The following SEC14L1 variants were observed in gnomAD, a reference collection of about 807,000 sequenced individuals.
SEC14L1 encodes the protein SEC14-like protein 1.
SEC14L1 carries 48 observed loss-of-function variants against 85.3 expected under a neutral mutation model. That is an observed-to-expected ratio of 0.56 (90% CI 0.45 to 0.72). SEC14L1 has a LOEUF of 0.72. Among genes scored for constraint, SEC14L1 ranks in the 30% least tolerant of loss-of-function variants. The pLI, the probability that SEC14L1 is intolerant of heterozygous loss-of-function variation, is 0.00. For missense variants in SEC14L1, 682 were observed against 921.4 expected, an observed-to-expected ratio of 0.74 and a Z score of 3.36; for synonymous variants, 391 against 355.5, an observed-to-expected ratio of 1.10 and a Z score of -1.12.
At chr17:77,100,066 C>A (rs1598216740) in intron 3 of SEC14L1, among the ~76,000 whole-genome samples, 1 of 152,260 alleles carries the variant, frequency 6.6e-6, no homozygotes, top group South Asian at 2.1e-4. Flanking sequence ...GCGCTCCCAG[C>A]GGGAGCCATT....
intron 3 of SEC14L1, among the ~76,000 whole-genome samples, chr17:77,179,273 T>C (rs914256798): frequency 6.6e-6 from 1 of 152,144 alleles, no homozygotes; most frequent in Non-Finnish European, 1.5e-5. Context: ...AAGGCAGGCA[T>C]TGAGAGAGGG....
chr17:77,162,476 C>G lies in SEC14L1; in HGVS notation c.63+18817C>G, dbSNP rs1015099184. Among the ~76,000 whole-genome samples the G allele has an allele frequency of 2.0e-5, 3 of 152,250 alleles. No homozygotes were observed. The East Asian group carries it at 5.8e-4, about 29-fold the overall frequency. On this transcript the variant is annotated intron_variant, in intron 3 of 16. Coordinates refer to ENST00000436233, the MANE Select transcript of SEC14L1 (RefSeq NM_001143998.2). ...AATTTCTTCTGGGTGTAATTTAGAT[C>G]TGTGCAAAGTAACATGATGTATATT... is the stretch of plus-strand genomic sequence containing the variant.
intron 2 of SEC14L1, chr17:77,093,145 G>T (rs1180533548): frequency 6.6e-6 from 1 of 152,162 alleles, no homozygotes; most frequent in Non-Finnish European, 1.5e-5. Context: ...GTGGAAGGTG[G>T]ATTTTAGATT....
intron 14 of SEC14L1, chr17:77,211,315 T>G (rs1348939181): frequency 6.5e-6 from 1 of 152,904 alleles, no homozygotes; most frequent in Non-Finnish European, 1.5e-5. Flanking sequence ...CCCCGCCCAA[T>G]CTTTGAAACT....
intron 13 of SEC14L1, among the ~76,000 whole-genome samples, chr17:77,207,198 A>G (rs1371935320): frequency 6.6e-6 from 1 of 152,192 alleles, no homozygotes; most frequent in Non-Finnish European, 1.5e-5. Context: ...CTGTTAAAAA[A>G]TTGAATCAGT....
intron 3 of SEC14L1, among the ~76,000 whole-genome samples, chr17:77,171,999 C>T (rs541098504): frequency 2.5e-3 from 376 of 152,140 alleles, no homozygotes; most frequent in Non-Finnish European, 4.3e-3. Flanking sequence ...TTCCTGCCTC[C>T]GGGATTAACA....
chr17:77,153,341 A>G (rs889875435), intron 3 of SEC14L1, among the ~76,000 whole-genome samples: 2 of 152,230 alleles, frequency 1.3e-5, no homozygotes, highest in Admixed American at 1.3e-4. Flanking sequence ...TGCTGGGATT[A>G]CAGGCGTGAA....
intron 3 of SEC14L1, among the ~76,000 whole-genome samples, chr17:77,149,856 G>GTTTT (rs201022692): frequency 8.1e-6 from 1 of 123,930 alleles, no homozygotes; most frequent in Non-Finnish European, 1.8e-5. Context: ...GCTGATTTGT[G>GTTTT]TTTTTTTTTT....
chr17:77,179,090 G>A (rs1041460903), intron 3 of SEC14L1, among the ~76,000 whole-genome samples: 5 of 152,196 alleles, frequency 3.3e-5, no homozygotes, highest in Non-Finnish European at 5.9e-5. Context: ...AACTCTTGGA[G>A]CAAAGGAGTG....
rs1047860251 is a variant in SEC14L1, at chr17:77,194,878, A to G, written c.676A>G (p.Ser226Gly). ...GAGTGGTGATGCCCTCAGCAGCCCC[A>G]GCGCACCTGAGCCCGTGGTGGGCAC... ...GLSGDALSSP[S>G]APEPVVGTPD... Residue 226 changes from serine (S) to glycine (G), a missense_variant, in exon 7 of 17, where the codon AGC becomes GGC. Physicochemically the swap from Ser to Gly is moderately conservative, Grantham distance 56 (BLOSUM62 0). Around this residue, in one of 3 missense-constraint regions of SEC14L1, gnomAD observed 123 missense variants for 100.6 expected, o/e 1.22. Transcript: ENST00000436233. The G allele has an allele frequency of 6.8e-6, 11 of 1,614,174 alleles. No individual in the cohort carries two copies. The highest frequency in any genetic ancestry group is 7.6e-6 in the Non-Finnish European group (9 of 1,180,024).
chr17:77,174,523 C>T (rs1355137609), intron 3 of SEC14L1, among the ~76,000 whole-genome samples: 2 of 152,190 alleles, frequency 1.3e-5, no homozygotes, highest in Non-Finnish European at 2.9e-5. Context: ...TTTTCTTAAC[C>T]TTTGTCTCTG....
At chr17:77,131,969 AG>A (rs1474311501) in intron 3 of SEC14L1, among the ~76,000 whole-genome samples, 1 of 152,224 alleles carries the variant, frequency 6.6e-6, no homozygotes, top group Admixed American at 6.5e-5. Context: ...TTGCAGATCC[AG>A]CTTCTTGGCC....
rs148947326 is a variant in SEC14L1, at chr17:77,208,261, C to T, written c.1477-1081C>T. Among the ~76,000 whole-genome samples, 34 of 152,284 alleles carry T rather than the reference C, an allele frequency of 2.2e-4. No individual in the cohort carries two copies. The East Asian group carries it at 6.2e-3, about 28-fold the overall frequency. On this transcript the variant is annotated intron_variant, in intron 13 of 16. Transcript: ENST00000436233. ...TACAATGCAAAGAGCAAGTAAGTTA[C>T]AGTAAAGGTTATAGGACCAGAATTT... is the stretch of plus-strand genomic sequence containing the variant.
chr17:77,111,556 G>A (rs2143364055), intron 3 of SEC14L1, among the ~76,000 whole-genome samples: 1 of 152,260 alleles, frequency 6.6e-6, no homozygotes, highest in African/African-American at 2.4e-5. Context: ...CCAAGGCCAT[G>A]GGAGCCCACC....
At chr17:77,144,453 T>TA (rs1320065168) in intron 3 of SEC14L1, among the ~76,000 whole-genome samples, 2 of 152,194 alleles carry the variant, frequency 1.3e-5, no homozygotes, top group Admixed American at 6.5e-5. Flanking sequence ...AGAGGACTGT[T>TA]ACCTGTTTCT....
intron 8 of SEC14L1, among the ~76,000 whole-genome samples, chr17:77,198,696 T>TC (rs976145308): frequency 6.6e-5 from 10 of 151,150 alleles, no homozygotes; most frequent in African/African-American, 2.4e-4. Context: ...TGCTTCAGCC[T>TC]CCCCAGTAGC....
In SEC14L1 at chr17:77,108,113, A is replaced by T. The variant is rs545292135; in HGVS notation, c.-136+14766A>T. Among the ~76,000 whole-genome samples, 184 of 150,960 alleles carry T rather than the reference A, an allele frequency of 1.2e-3. 1 individual carries two copies. The highest frequency in any genetic ancestry group is 4.1e-3 in the African/African-American group (167 of 41,100). On this transcript the variant is annotated intron_variant, in intron 3 of 19. Coordinates refer to the SEC14L1 transcript ENST00000392476. ...CCCCATACCATGCGCACGCACACAC[A>T]CACGGACTTAGATTCTCCCCATTTG...
At chr17:77,095,493 C>A (rs971832657) in intron 3 of SEC14L1, among the ~76,000 whole-genome samples, 1 of 152,176 alleles carries the variant, frequency 6.6e-6, no homozygotes, top group Non-Finnish European at 1.5e-5. Flanking sequence ...TAACAATGAA[C>A]CTGCTTGCCT....
chr17:77,134,111 C>T (rs1972707503), intron 3 of SEC14L1, among the ~76,000 whole-genome samples: 1 of 152,134 alleles, frequency 6.6e-6, no homozygotes, highest in Non-Finnish European at 1.5e-5. Context: ...GTCCCACCAA[C>T]CTGCCTTCAC....
Sources: allele counts gnomAD v4.1 joint callset (sites outside exome capture counted in the v4.1 genomes callset), GRCh38; gene constraint gnomAD v4.1.1; regional missense constraint gnomAD v4.1.1; transcripts MANE v1.5; gene names NCBI Gene and HGNC (gene_info 2026-07-23, HGNC 2026-07-21).